SHF: variants seen among roughly 807,000 people sequenced by gnomAD.
The protein encoded by SHF is Src homology 2 domain containing F.
A neutral mutation model predicts 42.4 loss-of-function variants in SHF; 30 were observed. The ratio of observed to expected loss-of-function variants is 0.71; its 90% CI spans 0.53 to 0.96. The LOEUF (loss-of-function observed/expected upper bound fraction) is 0.96, where lower values mean the gene tolerates loss of function less well. Ranked by LOEUF, SHF falls within the 40% of genes least tolerant of loss-of-function variation. SHF has a pLI of 0.00. For missense variants in SHF, 598 were observed against 634.0 expected, an observed-to-expected ratio of 0.94 and a Z score of 0.61; for synonymous variants, 264 against 269.9, an observed-to-expected ratio of 0.98 and a Z score of 0.21.
exon 2 of SHF, chr15:45,199,064 T>A: frequency 6.3e-7 from 1 of 1,587,222 alleles, no homozygotes; most frequent in Non-Finnish European, 8.6e-7. Context: ...GGGTCCTCCC[T>A]CCTGCTGCAT....
intron 1 of SHF, among the ~76,000 whole-genome samples, chr15:45,184,583 T>C (rs1165483241): frequency 6.6e-6 from 1 of 152,208 alleles, no homozygotes; most frequent in Non-Finnish European, 1.5e-5. Flanking sequence ...TATCTTGGCA[T>C]GAGGGAGGCA....
intron 2 of SHF, among the ~76,000 whole-genome samples, chr15:45,196,672 C>T (rs1008643319): frequency 4.6e-5 from 7 of 151,858 alleles, no homozygotes; most frequent in African/African-American, 1.5e-4. Context: ...CCGAGGCGGG[C>T]AGAACACGAG....
chr15:45,177,256 CAA>C (rs1897861767), intron 2 of SHF, among the ~76,000 whole-genome samples: 2 of 152,210 alleles, frequency 1.3e-5, no homozygotes, highest in Admixed American at 1.3e-4. Flanking sequence ...TGGATGGGGA[CAA>C]GCTCTGGCTC....
chr15:45,179,761 A>G (rs945260814), intron 1 of SHF, among the ~76,000 whole-genome samples: 4 of 152,170 alleles, frequency 2.6e-5, no homozygotes, highest in Non-Finnish European at 4.4e-5. Context: ...CAGCATGGGG[A>G]GAGGCCACTC....
intron 3 of SHF, among the ~76,000 whole-genome samples, chr15:45,174,832 C>G (rs2141356332): frequency 6.6e-6 from 1 of 152,286 alleles, no homozygotes; most frequent in African/African-American, 2.4e-5. Context: ...ACACCCATAG[C>G]TGTCTTTATT....
chr15:45,189,364 T>C (rs1898635696), upstream of SHF, among the ~76,000 whole-genome samples: 1 of 140,464 alleles, frequency 7.1e-6, no homozygotes, highest in South Asian at 2.4e-4. Context: ...CCTCAGTGTC[T>C]CCGCACTCCT....
rs1897557374 is a variant in SHF, at chr15:45,172,447, C to T, written c.989-129G>A. On this transcript the variant is annotated intron_variant, in intron 4 of 6. Coordinates refer to ENST00000690270, the MANE Select transcript of SHF (RefSeq NM_001394037.1). ...GGATCAAAGGAATGCTCTAGGAGGG[C>T]AGCCCATGCTGAAGGGCCTGACTGG... is the stretch of plus-strand genomic sequence containing the variant. 39 of 1,082,652 alleles carry T rather than the reference C, an allele frequency of 3.6e-5. No individual in the cohort carries two copies. The South Asian group carries it at 6.3e-4, about 17-fold the overall frequency. The allele number at this position is 1,082,652 out of a possible 1,614,324, so 67.1% of individuals were successfully genotyped here. A position where few individuals can be genotyped will look rare whatever the true frequency, so the allele number is the denominator to read the frequency against.
chr15:45,195,897 G>A (rs899662424), intron 2 of SHF, among the ~76,000 whole-genome samples: 3 of 152,134 alleles, frequency 2.0e-5, no homozygotes, highest in Non-Finnish European at 4.4e-5. Flanking sequence ...AACCTTGAGA[G>A]GACAAGCACA....
intron 2 of SHF, among the ~76,000 whole-genome samples, chr15:45,198,097 T>A (rs941467736): frequency 4.6e-5 from 7 of 151,666 alleles, no homozygotes; most frequent in Non-Finnish European, 5.9e-5. Context: ...CAATTTTTTT[T>A]AAAATTAAAA....
chr15:45,199,051 C>T (rs1410599900), exon 2 of SHF: 2 of 1,597,806 alleles, frequency 1.3e-6, no homozygotes, highest in Admixed American at 1.7e-5. Context: ...GGGCGCTCCT[C>T]ACGGGTCCTC....
chr15:45,197,468 G>A (rs927105753), intron 2 of SHF, among the ~76,000 whole-genome samples: 28 of 152,292 alleles, frequency 1.8e-4, no homozygotes, highest in South Asian at 2.1e-4. Flanking sequence ...AGGGGGACAC[G>A]GGAGTGGAGG....
upstream of SHF, among the ~76,000 whole-genome samples, chr15:45,191,904 C>G (rs907905820): frequency 6.9e-6 from 1 of 143,960 alleles, no homozygotes; most frequent in Non-Finnish European, 1.5e-5. Context: ...GGCTGGGCAA[C>G]ACGGTGGAAA....
At chr15:45,169,718 T>C (rs566584568) in intron 6 of SHF, among the ~76,000 whole-genome samples, 1 of 152,338 alleles carries the variant, frequency 6.6e-6, no homozygotes, top group South Asian at 2.1e-4. Flanking sequence ...GAAGGACAAG[T>C]GGCCAGAGAG....
At chr15:45,178,514 T>G (rs931638560) in intron 1 of SHF, among the ~76,000 whole-genome samples, 7 of 149,562 alleles carry the variant, frequency 4.7e-5, no homozygotes, top group Non-Finnish European at 8.9e-5. Context: ...GCCAACCAAG[T>G]GGTACCTCTT....
upstream of SHF, among the ~76,000 whole-genome samples, chr15:45,188,234 G>T (rs373367853): frequency 2.6e-5 from 4 of 152,128 alleles, no homozygotes; most frequent in East Asian, 3.9e-4. Context: ...GTCGCCACGC[G>T]GTCCCCTGTG....
Position 45,187,747 on chromosome 15 carries a change from G to C in SHF, c.205C>G (p.Pro69Ala). The part of the protein sequence containing the change: ...GGGGGGGGSK[P>A]APPEPDYRPP... ...CGGTAGTCGGGCTCGGGGGGCGCCG[G>C]CTTGCTGCCCCCTCCGCCGCCGCCC... Residue 69 changes from proline (P) to alanine (A), a missense_variant, in exon 1 of 7, where the codon CCG becomes GCG. By Grantham distance (27) the Pro-to-Ala change is conservative. This residue lies in a region of SHF where 159 missense variants were observed against 109.3 expected (regional missense o/e 1.45). Coordinates refer to ENST00000690270, the MANE Select transcript of SHF (RefSeq NM_001394037.1). The C allele has an allele frequency of 1.0e-6, 1 of 969,456 alleles. No homozygotes were observed. The highest frequency in any genetic ancestry group is 1.3e-6 in the Non-Finnish European group (1 of 754,380). 60.1% of individuals were successfully genotyped at this position (969,456 alleles called of 1,614,324 possible). A position where few individuals can be genotyped will look rare whatever the true frequency, so the allele number is the denominator to read the frequency against.
chr15:45,175,013 T>C (rs190857026), intron 3 of SHF, among the ~76,000 whole-genome samples: 2 of 152,280 alleles, frequency 1.3e-5, no homozygotes, highest in Non-Finnish European at 2.9e-5. Flanking sequence ...GCCTTCATCC[T>C]TCTCCTGTAC....
chr15:45,188,078 G>A (rs961226769), upstream of SHF: 2 of 362,518 alleles, frequency 5.5e-6, no homozygotes, highest in East Asian at 1.2e-4. Flanking sequence ...GGAGAGGCGG[G>A]GCTCCGCTCC....
At chr15:45,189,544 A>G (rs1475625260), upstream of SHF, among the ~76,000 whole-genome samples, 1 of 151,822 alleles carries the variant, frequency 6.6e-6, no homozygotes, top group Non-Finnish European at 1.5e-5. Flanking sequence ...GTGCGCCACC[A>G]CACCTGGTTA....
Sources: allele counts gnomAD v4.1 joint callset (sites outside exome capture counted in the v4.1 genomes callset), GRCh38; gene constraint gnomAD v4.1.1; regional missense constraint gnomAD v4.1.1; transcripts MANE v1.5; gene names NCBI Gene and HGNC (gene_info 2026-07-23, HGNC 2026-07-21).